Variants in MYO7B observed in about 807,000 individuals in gnomAD.
MYO7B encodes the protein myosin VIIB.
A neutral mutation model predicts 259.7 loss-of-function variants in MYO7B; 212 were observed. The ratio of observed to expected loss-of-function variants is 0.82; its 90% CI spans 0.73 to 0.91. The LOEUF is 0.91. Among genes scored for constraint, MYO7B ranks in the 40% least tolerant of loss-of-function variants. MYO7B has a pLI of 0.00. For missense variants in MYO7B, 2,732 were observed against 2,813.5 expected (o/e 0.97, Z 0.66); for synonymous variants, 1,197 against 1,166.4 (o/e 1.03, Z -0.54).
chr2:127,635,778 C>T lies in MYO7B; in HGVS notation c.5877C>T (p.His1959=), dbSNP rs1184511896. 3.8e-6 allele frequency: 6 copies of T among 1,599,212 alleles called. No homozygotes were observed. In the African/African-American group the frequency reaches 8.0e-5, roughly 21 times the overall value. The change falls in exon 44 of 48, where the codon CAC becomes CAT. Residue 1959 remains histidine, a synonymous_variant. Transcript: ENST00000409816. ...AGTGTTCGCGGGAGGATGCCATCCA[C>T]CTGGCGGGCCTCATCTACAAGGCCC... ...FHKCSREDAI[H]LAGLIYKAQF...
At chr2:127,536,078 C>T (rs1196733420) in intron 1 of MYO7B, among the ~76,000 whole-genome samples, 1 of 152,148 alleles carries the variant, frequency 6.6e-6, no homozygotes, top group Non-Finnish European at 1.5e-5. Flanking sequence ...TAGCCCTCTG[C>T]TGTAGAAGGG....
intron 19 of MYO7B, among the ~76,000 whole-genome samples, chr2:127,604,600 C>T (rs763012329): frequency 6.6e-6 from 1 of 152,168 alleles, no homozygotes; most frequent in Non-Finnish European, 1.5e-5. Flanking sequence ...CAGTTTTGGA[C>T]GGGCCTTCCT....
At chr2:127,596,356 G>T in intron 18 of MYO7B, 106 bp from the exon 19 acceptor site, 1 of 925,348 alleles carries the variant, frequency 1.1e-6, no homozygotes, top group Non-Finnish European at 1.7e-6. Flanking sequence ...CTGCCCTCCT[G>T]GGAGAAGCCT....
At chr2:127,602,301 C>T (rs1265972947) in intron 19 of MYO7B, among the ~76,000 whole-genome samples, 1 of 152,148 alleles carries the variant, frequency 6.6e-6, no homozygotes, top group African/African-American at 2.4e-5. Context: ...CATTTACCTT[C>T]TCTCATATGT....
chr2:127,590,262 G>C lies in MYO7B; in HGVS notation c.1992+33G>C. The C allele has an allele frequency of 6.2e-7, 1 of 1,612,190 alleles. No individual in the cohort carries two copies. Among genetic ancestry groups the C allele is most frequent in the Non-Finnish European group, 8.5e-7 (1 of 1,179,598 alleles). ...CAGGAGGCTGGGGCACAGCAAAGGA[G>C]GGAGGAGGAGGAGGCTGATGGCCTC... On this transcript the variant is annotated intron_variant, in intron 16 of 47. Transcript: ENST00000409816. The surrounding 1 kb of genome is among the most constrained non-coding windows in gnomAD (Gnocchi z 4.6).
At position 127,624,285 on chromosome 2, in the gene MYO7B, C is replaced by T. The variant is rs202073400; in HGVS notation, c.4012C>T (p.Arg1338Ter). 150 of 1,586,164 alleles carry T rather than the reference C, an allele frequency of 9.5e-5. No homozygotes were observed. The highest frequency in any genetic ancestry group is 1.2e-4 in the Non-Finnish European group (138 of 1,166,924). The change falls in exon 30 of 48, where the codon CGA becomes TGA. Residue 1338 changes from arginine to a stop codon, truncating the protein, a stop_gained. Transcript: ENST00000409816. LOFTEE classifies it high-confidence loss of function. ...STELIYRQVL[R>*]GVWSGEYSFE... Reference sequence around the variant, plus strand: ...CGAGCTTATTTACCGCCAAGTCCTCCGAGGAGTCTGGTCTGGCGAGTACAG... The same window carrying T: ...CGAGCTTATTTACCGCCAAGTCCTCTGAGGAGTCTGGTCTGGCGAGTACAG...
At chr2:127,594,190 T>C (rs1679677218) in intron 18 of MYO7B, among the ~76,000 whole-genome samples, 2 of 152,224 alleles carry the variant, frequency 1.3e-5, no homozygotes, top group Admixed American at 1.3e-4. Flanking sequence ...CACAGGGAGC[T>C]GAAGTCACAC....
At chr2:127,631,062 C>G (rs1681472414) in intron 36 of MYO7B, 144 bp from the exon 37 acceptor site, 2 of 1,376,214 alleles carry the variant, frequency 1.5e-6, no homozygotes, top group South Asian at 2.9e-5. Context: ...GCCTGGCCTT[C>G]CCAGGCCAGG....
intron 20 of MYO7B, 128 bp downstream of exon 20, chr2:127,606,056 C>T (rs1032198222): frequency 8.1e-5 from 58 of 715,246 alleles, no homozygotes; most frequent in Middle Eastern, 7.6e-4. Context: ...CATTCACAGA[C>T]GTGGCATGCA....
intron 6 of MYO7B, among the ~76,000 whole-genome samples, chr2:127,573,014 G>A (rs563375974): frequency 1.3e-5 from 2 of 152,208 alleles, no homozygotes; most frequent in African/African-American, 4.8e-5. Context: ...GCCACACTGG[G>A]TTCAATAAGT....
intron 2 of MYO7B, among the ~76,000 whole-genome samples, chr2:127,562,482 G>GTTTTTTTTTTTTTTTTTTTTTTTTTTTTT (rs56290548): frequency 1.6e-5 from 1 of 61,190 alleles, no homozygotes; most frequent in African/African-American, 6.7e-5. Flanking sequence ...GGGTTTTATT[G>GTTTTTTTTTTTTTTTTTTTTTTTTTTTTT]TTTTTTTTTT....
chr2:127,632,197 C>T (rs201963453), intron 38 of MYO7B, 49 bp from the exon 39 acceptor site: 2 of 1,576,494 alleles, frequency 1.3e-6, no homozygotes, highest in Non-Finnish European at 1.7e-6. Context: ...GCCTGCCTGG[C>T]CAGGGCCCCC....
intron 26 of MYO7B, among the ~76,000 whole-genome samples, chr2:127,617,232 G>A (rs73953655): frequency 0.16 from 24,792 of 152,056 alleles, 2,066 homozygotes; most frequent in Middle Eastern, 0.25. Context: ...AAAAGAAGAC[G>A]GTACAAGCCA....
chr2:127,582,695 G>A (rs1679153028), intron 12 of MYO7B, among the ~76,000 whole-genome samples: 1 of 152,052 alleles, frequency 6.6e-6, no homozygotes, highest in South Asian at 2.1e-4. Context: ...GCCACCTGCT[G>A]TCCTCATGAG....
Position 127,611,073 on chromosome 2 carries a change from A to C in MYO7B, c.3192+1057A>C, listed in dbSNP as rs897753877. ...CAAGCTGTCCCCTGGGGATGGTGTC[A>C]TCTGAAAGCTTGACAGCTGGAGGGG... On this transcript the variant is annotated intron_variant, in intron 24 of 47. Transcript: ENST00000409816. This position sits in a 1 kb window ranked among gnomAD's most constrained non-coding sequence, Gnocchi z 5.4. Among the ~76,000 whole-genome samples, 1 of 152,340 alleles carries C rather than the reference A, an allele frequency of 6.6e-6. No homozygotes were observed.
intron 31 of MYO7B, chr2:127,626,190 G>A (rs760343290): frequency 1.3e-5 from 2 of 152,368 alleles, no homozygotes; most frequent in African/African-American, 2.4e-5. Flanking sequence ...AGGAAGGAAG[G>A]AGACTGGAAG....
At chr2:127,548,719 A>G (rs1693332263) in intron 1 of MYO7B, among the ~76,000 whole-genome samples, 1 of 151,984 alleles carries the variant, frequency 6.6e-6, no homozygotes, top group Admixed American at 6.6e-5. Flanking sequence ...CGGCCTCTAG[A>G]TTTTTTAACT....
At chr2:127,547,217 T>A (rs1247512598) in intron 1 of MYO7B, among the ~76,000 whole-genome samples, 1 of 152,220 alleles carries the variant, frequency 6.6e-6, no homozygotes, top group Non-Finnish European at 1.5e-5. Context: ...AGCAAGCATG[T>A]CCTGAGCCCT....
At chr2:127,545,161 C>A (rs1693173548) in intron 1 of MYO7B, among the ~76,000 whole-genome samples, 1 of 152,220 alleles carries the variant, frequency 6.6e-6, no homozygotes, top group South Asian at 2.1e-4. Flanking sequence ...CCATCAATGC[C>A]TGTACATCTA....
Sources: allele counts gnomAD v4.1 joint callset (sites outside exome capture counted in the v4.1 genomes callset), GRCh38; gene constraint gnomAD v4.1.1; non-coding constraint Gnocchi (gnomAD v3.1); transcripts MANE v1.5; gene names NCBI Gene and HGNC (gene_info 2026-07-23, HGNC 2026-07-21).